The following VPS13B variants were observed in gnomAD, a reference collection of about 807,000 sequenced individuals.
The protein encoded by VPS13B is vacuolar protein sorting 13 homolog B, also known as intermembrane lipid transfer protein VPS13B.
VPS13B carries 285 observed loss-of-function variants against 426.4 expected under a neutral mutation model. The ratio of observed to expected loss-of-function variants is 0.67; its 90% confidence interval spans 0.61 to 0.74. VPS13B has a LOEUF of 0.74. VPS13B is among the 30% of genes least tolerant of loss of function. The probability of loss-of-function intolerance (pLI) is 0.00; values close to 1 mark genes in which losing one functional copy is unlikely to be tolerated. For missense variants in VPS13B, 4,537 were observed against 4,782.6 expected, an observed-to-expected ratio of 0.95 and a Z score of 1.51; for synonymous variants, 1,676 against 1,676.4, an observed-to-expected ratio of 1.00 and a Z score of 0.01.
chr8:99,452,166 C>T (rs1234643379), intron 23 of VPS13B, among the ~76,000 whole-genome samples: 1 of 152,148 alleles, frequency 6.6e-6, no homozygotes, highest in Non-Finnish European at 1.5e-5. Flanking sequence ...CCCTAGTAAC[C>T]TTTCTGTGTT....
At chr8:99,822,204 G>T (rs191138646) in intron 50 of VPS13B, among the ~76,000 whole-genome samples, 2 of 152,214 alleles carry the variant, frequency 1.3e-5, no homozygotes, top group Non-Finnish European at 2.9e-5. Context: ...GAAAAAGAAG[G>T]GATACTTCAT....
Position 99,776,254 on chromosome 8 carries a change from A to G in VPS13B, c.7248-521A>G, listed in dbSNP as rs144913623. 3.7e-4 allele frequency among the ~76,000 whole-genome samples: 56 copies of G among 152,368 alleles called. 1 individual carries two copies. The highest frequency in any genetic ancestry group is 3.4e-3 in the Middle Eastern group (1 of 294). ...TTTTGTGAGATGTGGATGGAAGCAC[A>G]TTGATTTGGAGATCAGTATGATCAT... On this transcript the variant is annotated intron_variant, in intron 40 of 61. Transcript: ENST00000357162.
chr8:99,489,322 C>T (rs1458257190), intron 25 of VPS13B, among the ~76,000 whole-genome samples: 1 of 151,792 alleles, frequency 6.6e-6, no homozygotes, highest in Non-Finnish European at 1.5e-5. Context: ...TAGCGTGATG[C>T]CATCTCCTTT....
chr8:99,133,248 A>C (rs1315339419), intron 8 of VPS13B, among the ~76,000 whole-genome samples: 1 of 152,160 alleles, frequency 6.6e-6, no homozygotes, highest in African/African-American at 2.4e-5. Context: ...TCGTTCCATA[A>C]GGCTCATGAA....
rs1013969209 is a variant in VPS13B, at chr8:99,829,422, C to T, written c.9331-2947C>T. Among the ~76,000 whole-genome samples the T allele has an allele frequency of 3.9e-5, 6 of 152,168 alleles. No individual in the cohort carries two copies. The East Asian group carries it at 9.6e-4, about 24-fold the overall frequency. On this transcript the variant is annotated intron_variant, in intron 51 of 61. Coordinates refer to ENST00000357162, the MANE Select transcript of VPS13B (RefSeq NM_152564.5). ...ACTTGTGTATGCTTCTCAAAGTTCT[C>T]GTACTGTGTTTTTCAGCTCCATCAG... is the stretch of plus-strand genomic sequence containing the variant.
chr8:99,506,309 A>G (rs980599318), intron 27 of VPS13B, among the ~76,000 whole-genome samples: 1 of 152,198 alleles, frequency 6.6e-6, no homozygotes, highest in Non-Finnish European at 1.5e-5. Context: ...TAGAATGTTC[A>G]ACTCTTTAGT....
chr8:99,191,705 G>T (rs531312328), intron 16 of VPS13B, among the ~76,000 whole-genome samples: 16 of 151,910 alleles, frequency 1.1e-4, no homozygotes, highest in Non-Finnish European at 1.9e-4. Flanking sequence ...TATCTTTCCT[G>T]GTCCTCGATT....
chr8:99,094,648 G>T (rs1196313307), intron 3 of VPS13B, among the ~76,000 whole-genome samples: 1 of 151,982 alleles, frequency 6.6e-6, no homozygotes, highest in Non-Finnish European at 1.5e-5. Flanking sequence ...ACCTTTTATT[G>T]TATATTTCTC....
At chr8:99,074,012 C>T (rs1280443465) in intron 3 of VPS13B, among the ~76,000 whole-genome samples, 1 of 152,140 alleles carries the variant, frequency 6.6e-6, no homozygotes. Context: ...CTCAAGTCCT[C>T]CCACCTTGGC....
chr8:99,574,707 G>T (rs1212947885), intron 31 of VPS13B, among the ~76,000 whole-genome samples: 1 of 152,158 alleles, frequency 6.6e-6, no homozygotes, highest in African/African-American at 2.4e-5. Flanking sequence ...AAGCTGTTTT[G>T]GTGTCAACTT....
chr8:99,708,345 G>A (rs1489933312), intron 36 of VPS13B, among the ~76,000 whole-genome samples: 1 of 152,094 alleles, frequency 6.6e-6, no homozygotes, highest in Admixed American at 6.6e-5. Context: ...GGATCCTAGA[G>A]TTCTAAAGCA....
rs141211386 is a variant in VPS13B at position 99,642,118 on chromosome 8, A to G, written c.5528A>G (p.Glu1843Gly). The G allele has an allele frequency of 3.7e-6, 6 of 1,614,170 alleles. No homozygotes were observed. The South Asian group carries it at 6.6e-5, about 18-fold the overall frequency. Residue 1843 changes from glutamate (E) to glycine (G), a missense_variant, in exon 34 of 62, where the codon GAA (glutamate) becomes GGA (glycine). Physicochemically the swap from Glu to Gly is moderately conservative, Grantham distance 98. This residue lies in a region of VPS13B where 4,311 missense variants were observed against 4,474.3 expected (regional missense o/e 0.96). Coordinates refer to ENST00000357162, the MANE Select transcript of VPS13B (RefSeq NM_152564.5). ...KSKSQEQKNNEKTDKSSLNLP... is the reference protein window; with the variant it reads ...KSKSQEQKNNGKTDKSSLNLP... Reference sequence around the variant, plus strand: ...AAATCACAAGAACAGAAGAATAATGAAAAAACAGACAAGAGTTCATTAAAT... The same window carrying G: ...AAATCACAAGAACAGAAGAATAATGGAAAAACAGACAAGAGTTCATTAAAT...
chr8:99,486,800 C>T (rs555921013), intron 25 of VPS13B, among the ~76,000 whole-genome samples: 8 of 152,212 alleles, frequency 5.3e-5, no homozygotes, highest in African/African-American at 1.9e-4. Context: ...CACTTGTTAC[C>T]CTGACTTTGT....
At chr8:99,394,087 TTCAGTAGCATTAGGTATAAA>T (rs1192295389) in intron 21 of VPS13B, among the ~76,000 whole-genome samples, 1 of 152,148 alleles carries the variant, frequency 6.6e-6, no homozygotes, top group South Asian at 2.1e-4. Context: ...CTTAGCCATT[TTCAGTAGCATTAGGTATAAA>T]TCAGTAGCAT....
chr8:99,835,063 G>T, intron 52 of VPS13B, 134 bp from the exon 53 acceptor site: 1 of 1,048,284 alleles, frequency 9.5e-7, no homozygotes, highest in Non-Finnish European at 1.4e-6. Context: ...TATCAGAAAA[G>T]GAATCTCCCC....
At chr8:99,124,693 T>C (rs1186853257) in intron 8 of VPS13B, among the ~76,000 whole-genome samples, 1 of 151,998 alleles carries the variant, frequency 6.6e-6, no homozygotes, top group Non-Finnish European at 1.5e-5. Context: ...GAGACCAGCC[T>C]GGCCAACATG....
At position 99,142,982 on chromosome 8, in the gene VPS13B, A is replaced by C. The variant is rs751491050; in HGVS notation, c.1660A>C (p.Asn554His). 1 of 1,613,310 alleles carries C rather than the reference A, an allele frequency of 6.2e-7. No individual in the cohort carries two copies. The highest frequency in any genetic ancestry group is 8.5e-7 in the Non-Finnish European group (1 of 1,179,732). ...AATTTGACTTCTTTTAGGTTCCACA[A>C]ATCAACAAGACTTTTCTTCAGGGAA... is the stretch of plus-strand genomic sequence containing the variant. Reference protein sequence around the residue: ...MENTSGKGSTNQQDFSSGKSE... With the variant: ...MENTSGKGSTHQQDFSSGKSE... Residue 554 changes from asparagine (N) to histidine (H), a missense_variant, in exon 13 of 62, where the codon AAT becomes CAT. By Grantham distance (68) the Asn-to-His change is moderately conservative (BLOSUM62 1). Coordinates refer to ENST00000357162, the MANE Select transcript of VPS13B (RefSeq NM_152564.5).
At chr8:99,647,669 A>C (rs1482158137) in intron 34 of VPS13B, among the ~76,000 whole-genome samples, 1 of 152,156 alleles carries the variant, frequency 6.6e-6, no homozygotes, top group Non-Finnish European at 1.5e-5. Flanking sequence ...GGTTTTATTT[A>C]ACTAATAATT....
chr8:99,811,947 C>T (rs546930835), intron 44 of VPS13B, among the ~76,000 whole-genome samples: 1 of 152,234 alleles, frequency 6.6e-6, no homozygotes, highest in East Asian at 1.9e-4. Flanking sequence ...GCATGAGTAA[C>T]ACTAAGTTGG....
Sources: allele counts gnomAD v4.1 joint callset (sites outside exome capture counted in the v4.1 genomes callset), GRCh38; gene constraint gnomAD v4.1.1; regional missense constraint gnomAD v4.1.1; transcripts MANE v1.5; gene names NCBI Gene and HGNC (gene_info 2026-07-23, HGNC 2026-07-21).